Variants in TNK2 observed in about 807,000 individuals in gnomAD.
TNK2 encodes activated CDC42 kinase 1.
A neutral mutation model predicts 101.8 loss-of-function variants in TNK2; 83 were observed. The observed-to-expected ratio is 0.82, with a 90% CI of 0.68 to 0.98. The LOEUF (loss-of-function observed/expected upper bound fraction) is 0.98, where lower values mean the gene tolerates loss of function less well. Ranked by LOEUF, TNK2 falls within the 50% of genes least tolerant of loss-of-function variation. The probability of loss-of-function intolerance (pLI) is 0.00; values close to 1 mark genes in which losing one functional copy is unlikely to be tolerated. For synonymous variants in TNK2, 804 were observed against 633.0 expected (o/e 1.27, Z -4.06); for missense variants, 1,665 against 1,483.2 (o/e 1.12, Z -2.01).
rs548333751 is a variant in TNK2, at chr3:195,866,802, C to A, written c.3161+87G>T. 48 of 1,522,946 alleles carry A rather than the reference C, an allele frequency of 3.2e-5. 1 individual carries two copies. The African/African-American group carries it at 5.2e-4, about 17-fold the overall frequency. 94.3% of individuals were successfully genotyped at this position (1,522,946 alleles called of 1,614,324 possible). A position where few individuals can be genotyped will look rare whatever the true frequency, so the allele number is the denominator to read the frequency against. On this transcript the variant is annotated intron_variant, in intron 15 of 15. Transcript: ENST00000672887. The stretch of plus-strand genomic sequence containing the variant: ...TGTCTCCCTGGCCGGGAGCGGCCTG[C>A]GAGGTGTTGGGCTTCCTCCCAGTGT...
At chr3:195,883,113 C>G in intron 5 of TNK2, 44 bp downstream of exon 5, 2 of 1,593,138 alleles carry the variant, frequency 1.3e-6, no homozygotes, top group Non-Finnish European at 1.7e-6. Flanking sequence ...CATATGGGAC[C>G]GGAGCCCTCT....
chr3:195,888,704 C>G lies in TNK2; in HGVS notation c.-18-98G>C. ...TCACCTTCATCCCACTACACGGCCA[C>G]CCGGAAGGGCTCACACCACCTTCTG... is the stretch of plus-strand genomic sequence containing the variant. On this transcript the variant is annotated intron_variant, in intron 1 of 15. Transcript: ENST00000672887. This position sits in a 1 kb window ranked among gnomAD's most constrained non-coding sequence, Gnocchi z 5.3. 1 of 1,183,078 alleles carries G rather than the reference C, an allele frequency of 8.5e-7. No homozygotes were observed. The highest frequency in any genetic ancestry group is 1.5e-5 in the South Asian group (1 of 64,736). 73.3% of individuals were successfully genotyped at this position (1,183,078 alleles called of 1,614,324 possible).
intron 1 of TNK2, among the ~76,000 whole-genome samples, chr3:195,905,608 T>C (rs1294681807): frequency 1.3e-5 from 2 of 151,722 alleles, no homozygotes; most frequent in Non-Finnish European, 2.9e-5. Flanking sequence ...AAACTGGACA[T>C]TGATTCATAC....
intron 4 of TNK2, 51 bp from the exon 5 acceptor site, chr3:195,883,360 C>A: frequency 6.2e-7 from 1 of 1,602,984 alleles, no homozygotes; most frequent in Non-Finnish European, 8.5e-7. Flanking sequence ...GTCCCAGACA[C>A]GCGGAGCCAA....
At chr3:195,879,933 G>A (rs1282513513) in intron 6 of TNK2, among the ~76,000 whole-genome samples, 1 of 152,162 alleles carries the variant, frequency 6.6e-6, no homozygotes, top group Admixed American at 6.5e-5. Flanking sequence ...CAGGATGCCT[G>A]AATACAAAAG....
rs948232263 is a variant in TNK2 at position 195,884,623 on chromosome 3, G to A, written c.456+189C>T. ...GTGCCTACTGCACTCCAGCCTGGGC[G>A]ACAGAGCGAGACTCCATCTCAAAAA... On this transcript the variant is annotated intron_variant, in intron 4 of 15. Transcript: ENST00000672887. The A allele has an allele frequency of 6.3e-5, 36 of 568,820 alleles. No homozygotes were observed. In the Admixed American group the frequency reaches 7.0e-4, roughly 11 times the overall value. 35.2% of individuals were successfully genotyped at this position (568,820 alleles called of 1,614,324 possible).
intron 1 of TNK2, among the ~76,000 whole-genome samples, chr3:195,891,374 C>G (rs750934867): frequency 6.6e-6 from 1 of 152,242 alleles, no homozygotes; most frequent in Non-Finnish European, 1.5e-5. Flanking sequence ...CCATTGCACT[C>G]CAGCCTGGGC....
intron 1 of TNK2, among the ~76,000 whole-genome samples, chr3:195,890,626 A>G (rs1758030377): frequency 6.6e-6 from 1 of 152,016 alleles, no homozygotes; most frequent in Non-Finnish European, 1.5e-5. Context: ...TTTAGTGGAG[A>G]CAGGGTTCCT....
chr3:195,875,725 C>T lies in TNK2; in HGVS notation c.1256+2528G>A, dbSNP rs568658164. 1.2e-3 allele frequency among the ~76,000 whole-genome samples: 190 copies of T among 152,262 alleles called. 1 individual carries two copies. The highest frequency in any genetic ancestry group is 3.9e-3 in the African/African-American group (164 of 41,552). ...GGGAGGGCCAGGGCTGCTACCCGGC[C>T]GTGACTGAAGCAGGGGCGGATGAGG... On this transcript the variant is annotated intron_variant, in intron 9 of 15. Coordinates refer to ENST00000672887, the MANE Select transcript of TNK2 (RefSeq NM_001382273.1).
chr3:195,890,507 A>G lies in TNK2; in HGVS notation c.-18-1901T>C, dbSNP rs189772417. On this transcript the variant is annotated intron_variant, in intron 1 of 15. Transcript: ENST00000672887. ...AGTGAGACTCCCAGGCTGGAGTACAATGGTATGATCTTGGCTCATTGCAAA... is the reference window on the plus strand; with the variant it reads ...AGTGAGACTCCCAGGCTGGAGTACAGTGGTATGATCTTGGCTCATTGCAAA... Among the ~76,000 whole-genome samples, 1,175 of 145,792 alleles carry G rather than the reference A, an allele frequency of 8.1e-3. 16 individuals are homozygous for G. Among genetic ancestry groups the G allele is most frequent in the Admixed American group, 0.016 (229 of 14,330 alleles).
At position 195,878,725 on chromosome 3, in the gene TNK2, C is replaced by T; in HGVS notation, c.1015-133G>A. 2 of 1,348,784 alleles carry T rather than the reference C, an allele frequency of 1.5e-6. No homozygotes were observed. The highest frequency in any genetic ancestry group is 2.9e-5 in the African/African-American group (2 of 68,936). The allele number at this position is 1,348,784 out of a possible 1,614,324, so 83.6% of individuals were successfully genotyped here. On this transcript the variant is annotated intron_variant, in intron 7 of 15. Transcript: ENST00000672887. The surrounding 1 kb of genome is among the most constrained non-coding windows in gnomAD (Gnocchi z 4.7). The stretch of plus-strand genomic sequence containing the variant: ...GCCTCCAAAGAAGGGATCTGCCTGC[C>T]TGGGAGGGGCCCTCTCCAGAGCCCC...
rs202063857 is a variant in TNK2, at chr3:195,879,006, T to A, written c.1014+43A>T. The A allele has an allele frequency of 5.0e-6, 8 of 1,602,374 alleles. No homozygotes were observed. In the African/African-American group the frequency reaches 9.3e-5, roughly 19 times the overall value. On this transcript the variant is annotated intron_variant, in intron 7 of 15. Coordinates refer to ENST00000672887, the MANE Select transcript of TNK2 (RefSeq NM_001382273.1). Reference sequence around the variant, plus strand: ...GCCAGGCTGCAAGCAGGGAATGGAATTCACCCCACCAGCCCTATGGGGGCC... The same window carrying A: ...GCCAGGCTGCAAGCAGGGAATGGAAATCACCCCACCAGCCCTATGGGGGCC...
chr3:195,887,742 TGTGTGCACACGC>T (rs757718495), intron 2 of TNK2, among the ~76,000 whole-genome samples: 6 of 151,830 alleles, frequency 4.0e-5, no homozygotes, highest in Middle Eastern at 3.2e-3. Context: ...TATGTGCGTG[TGTGTGCACACGC>T]GTGTGCGCAC....
chr3:195,870,514 C>T (rs980464159), intron 10 of TNK2: 4 of 788,772 alleles, frequency 5.1e-6, no homozygotes, highest in Non-Finnish European at 5.3e-6. Flanking sequence ...CAGGCAGCGG[C>T]CAGAGGGCAG....
In TNK2 at chr3:195,870,113, C is replaced by T; in HGVS notation, c.1543+1G>A. On this transcript the variant is annotated splice_donor_variant, in intron 11 of 15. Transcript: ENST00000672887. LOFTEE classifies it high-confidence loss of function. ...ACACCAGGGAGCAGAGGGGCTCTTA[C>T]TTTTCACCCCTCCTAGATGCTGGGG... is the stretch of plus-strand genomic sequence containing the variant. 1 of 1,457,750 alleles carries T rather than the reference C, an allele frequency of 6.9e-7. No homozygotes were observed. The highest frequency in any genetic ancestry group is 9.1e-7 in the Non-Finnish European group (1 of 1,099,972). 90.3% of individuals were successfully genotyped at this position (1,457,750 alleles called of 1,614,324 possible). A position where few individuals can be genotyped will look rare whatever the true frequency, so the allele number is the denominator to read the frequency against.
At chr3:195,894,061 C>G (rs1208195943) in intron 1 of TNK2, among the ~76,000 whole-genome samples, 1 of 152,320 alleles carries the variant, frequency 6.6e-6, no homozygotes, top group South Asian at 2.1e-4. Context: ...TGGACAAGAT[C>G]AGGCCTGCGT....
At chr3:195,908,333 T>C (rs961261374) in intron 1 of TNK2, 152 bp downstream of exon 1, 10 of 152,594 alleles carry the variant, frequency 6.6e-5, no homozygotes, top group African/African-American at 2.4e-4. Flanking sequence ...GGAGAGGTCC[T>C]GCCTTGCCGC....
In TNK2 at chr3:195,882,177, G is replaced by C. The variant is rs1443565757; in HGVS notation, c.761C>G (p.Ala254Gly). The C allele has an allele frequency of 1.2e-6, 2 of 1,613,938 alleles. No homozygotes were observed. Among genetic ancestry groups the C allele is most frequent in the African/African-American group, 2.7e-5 (2 of 75,064 alleles). The change falls in exon 6 of 16, where the codon GCT becomes GGT. Residue 254 changes from alanine (A) to glycine (G), a missense_variant. Coordinates refer to ENST00000672887, the MANE Select transcript of TNK2 (RefSeq NM_001382273.1). The surrounding 1 kb of genome is among the most constrained non-coding windows in gnomAD (Gnocchi z 4.2). Reference sequence around the variant, plus strand: ...GGTAGCCAACAGCAGATTGCGGGCAGCCAGGTCACGGTGAATAAAGCGCTT... The same window carrying C: ...GGTAGCCAACAGCAGATTGCGGGCACCCAGGTCACGGTGAATAAAGCGCTT... ...ESKRFIHRDL[A>G]ARNLLLATRD...
rs1489258320 is a variant in TNK2, at chr3:195,868,549, G to A, written c.1749C>T (p.Val583=). The change falls in exon 13 of 16, where the codon GTC becomes GTT. Residue 583 remains valine (V), a synonymous_variant. Transcript: ENST00000672887. ...GCTCCTCACCGAAGTCGATGAGCGTGACCTCAGCCCCGCTGCCTCGGCTGG... is the reference window on the plus strand; with the variant it reads ...GCTCCTCACCGAAGTCGATGAGCGTAACCTCAGCCCCGCTGCCTCGGCTGG... ...TKASRGSGAE[V]TLIDFGEEPV... The A allele has an allele frequency of 6.4e-7, 1 of 1,570,970 alleles. No individual in the cohort carries two copies. Among genetic ancestry groups the A allele is most frequent in the Middle Eastern group, 1.8e-4 (1 of 5,560 alleles).
Sources: allele counts gnomAD v4.1 joint callset (sites outside exome capture counted in the v4.1 genomes callset), GRCh38; gene constraint gnomAD v4.1.1; non-coding constraint Gnocchi (gnomAD v3.1); transcripts MANE v1.5; gene names NCBI Gene and HGNC (gene_info 2026-07-23, HGNC 2026-07-21).